CDH1: variants seen among roughly 807,000 people sequenced by gnomAD.
CDH1 encodes cadherin 1.
In CDH1, 35 loss-of-function variants were observed where a neutral mutation model predicts 84.5. The observed-to-expected ratio is 0.41, with a 90% CI of 0.32 to 0.55. The LOEUF is 0.55. Ranked by LOEUF, CDH1 falls within the 20% of genes least tolerant of loss-of-function variation. The pLI, the probability that CDH1 is intolerant of heterozygous loss-of-function variation, is 0.19. For synonymous variants in CDH1, 417 were observed against 439.0 expected (o/e 0.95, Z 0.63); for missense variants, 994 against 1,126.6 (o/e 0.88, Z 1.68).
At chr16:68,745,549 A>ATATATATATGT (rs1285099283) in intron 2 of CDH1, among the ~76,000 whole-genome samples, 3 of 75,178 alleles carry the variant, frequency 4.0e-5, no homozygotes, top group Non-Finnish European at 7.3e-5. Context: ...AAAAAAAAAA[A>ATATATATATGT]ATATATATAT....
rs1448937622 is a variant in CDH1 at position 68,737,563 on chromosome 16, T to C, written c.48+100T>C. The C allele has an allele frequency of 6.5e-6, 7 of 1,074,752 alleles. No individual in the cohort carries two copies. The African/African-American group carries it at 1.2e-4, about 18-fold the overall frequency. 66.6% of individuals were successfully genotyped at this position (1,074,752 alleles called of 1,614,324 possible). ...TCTCCCGTCGTCACCGCTTCCCTTC[T>C]TCCAAGAAAGTTCGGGTCCTGAGGA... On this transcript the variant is annotated intron_variant, in intron 1 of 15. Transcript: ENST00000261769.
chr16:68,805,342 A>G (rs1214428910), intron 3 of CDH1, among the ~76,000 whole-genome samples: 1 of 151,942 alleles, frequency 6.6e-6, no homozygotes, highest in Non-Finnish European at 1.5e-5. Flanking sequence ...TTTCTGAGGG[A>G]TCACTTCCAC....
At chr16:68,764,708 C>T (rs1959318546) in intron 2 of CDH1, among the ~76,000 whole-genome samples, 1 of 152,178 alleles carries the variant, frequency 6.6e-6, no homozygotes, top group African/African-American at 2.4e-5. Context: ...AGGTGTGTAA[C>T]AAGCACCAGC....
intron 2 of CDH1, among the ~76,000 whole-genome samples, chr16:68,785,349 G>A (rs1960015818): frequency 6.6e-6 from 1 of 152,006 alleles, no homozygotes; most frequent in African/African-American, 2.4e-5. Context: ...GCACTACCAT[G>A]CCCAGCTAAG....
intron 13 of CDH1, among the ~76,000 whole-genome samples, chr16:68,826,919 G>A (rs1236771849): frequency 6.6e-6 from 1 of 152,160 alleles, no homozygotes; most frequent in East Asian, 1.9e-4. Flanking sequence ...TTTAGAAATA[G>A]GTAGTTGAGG....
At chr16:68,789,079 A>G (rs1270721040) in intron 2 of CDH1, among the ~76,000 whole-genome samples, 1 of 152,018 alleles carries the variant, frequency 6.6e-6, no homozygotes, top group Non-Finnish European at 1.5e-5. Context: ...GCTGGAGTGC[A>G]GTGGCCCGAA....
chr16:68,833,111 G>T (rs781771794), intron 15 of CDH1, among the ~76,000 whole-genome samples, 179 bp from the exon 16 acceptor site: 4 of 152,142 alleles, frequency 2.6e-5, no homozygotes, highest in Admixed American at 2.0e-4. Flanking sequence ...AACATATCCT[G>T]TGCTTCTGCA....
chr16:68,810,858 T>C (rs1423248941), intron 6 of CDH1, among the ~76,000 whole-genome samples: 1 of 150,868 alleles, frequency 6.6e-6, no homozygotes, highest in Non-Finnish European at 1.5e-5. Flanking sequence ...AGATCCAGAC[T>C]CCGTCTCAAA....
intron 2 of CDH1, among the ~76,000 whole-genome samples, chr16:68,792,218 G>A (rs114595962): frequency 0.021 from 2,971 of 141,658 alleles, 110 homozygotes; most frequent in African/African-American, 0.075. Context: ...ACCACACCCG[G>A]CCTAAACACT....
intron 2 of CDH1, among the ~76,000 whole-genome samples, chr16:68,782,172 C>T (rs1959902898): frequency 6.6e-6 from 1 of 152,196 alleles, no homozygotes; most frequent in South Asian, 2.1e-4. Context: ...GACCACCACA[C>T]CCAAAGGCAG....
chr16:68,760,334 C>T (rs1321896515), intron 2 of CDH1, among the ~76,000 whole-genome samples: 1 of 143,572 alleles, frequency 7.0e-6, no homozygotes, highest in Non-Finnish European at 1.5e-5. Flanking sequence ...AGGATGGTCT[C>T]AATCTCCTGA....
At chr16:68,781,306 C>G (rs1224623275) in intron 2 of CDH1, among the ~76,000 whole-genome samples, 5 of 152,210 alleles carry the variant, frequency 3.3e-5, no homozygotes, top group African/African-American at 1.2e-4. Context: ...CACACACCCG[C>G]AGCACTCATT....
intron 2 of CDH1, among the ~76,000 whole-genome samples, chr16:68,796,123 A>G (rs1215924379): frequency 2.0e-5 from 3 of 152,020 alleles, no homozygotes; most frequent in Admixed American, 1.3e-4. Flanking sequence ...AGATCCTGCC[A>G]TGGCACTCCA....
At chr16:68,794,430 C>T in intron 2 of CDH1, among the ~76,000 whole-genome samples, 1 of 152,146 alleles carries the variant, frequency 6.6e-6, no homozygotes, top group East Asian at 1.9e-4. Flanking sequence ...ACTTGAATGT[C>T]CTTTTCAACA....
In CDH1 at chr16:68,801,693, C is replaced by T. The variant is rs587783047; in HGVS notation, c.187C>T (p.Arg63Ter). The change falls in exon 3 of 16, where the codon CGA (arginine) becomes TGA (stop). Residue 63 changes from arginine to a stop codon, truncating the protein, a stop_gained. Coordinates refer to ENST00000261769, the MANE Select transcript of CDH1 (RefSeq NM_004360.5). LOFTEE classifies it high-confidence loss of function. The part of the protein sequence containing the change: ...GRVNFEDCTG[R>*]QRTAYFSLDT... ...AGTGAATTTTGAAGATTGCACCGGT[C>T]GACAAAGGACAGCCTATTTTTCCCT... 1 of 1,613,968 alleles carries T rather than the reference C, an allele frequency of 6.2e-7. No individual in the cohort carries two copies. The highest frequency in any genetic ancestry group is 8.5e-7 in the Non-Finnish European group (1 of 1,179,916).
chr16:68,802,580 C>A (rs565046258), intron 3 of CDH1, among the ~76,000 whole-genome samples: 84 of 152,156 alleles, frequency 5.5e-4, no homozygotes, highest in Admixed American at 1.2e-3. Flanking sequence ...AAGTGATCCT[C>A]CTGCCTCCAC....
At chr16:68,755,205 G>C (rs143461265) in intron 2 of CDH1, among the ~76,000 whole-genome samples, 1 of 149,780 alleles carries the variant, frequency 6.7e-6, no homozygotes. Context: ...GAGCCTGGGA[G>C]GTTGAAGCTG....
chr16:68,833,646 C>G lies in CDH1; in HGVS notation c.*147C>G. ...GTGATGCAGTTAGTATAGCTTTATA[C>G]TCTCTCCACTTTATAGCTCTAATAA... is the stretch of plus-strand genomic sequence containing the variant. On this transcript the variant is annotated 3_prime_UTR_variant, in exon 16 of 16. Transcript: ENST00000261769. 1.5e-6 allele frequency: 1 copy of G among 680,190 alleles called. No individual in the cohort carries two copies. The highest frequency in any genetic ancestry group is 2.6e-6 in the Non-Finnish European group (1 of 379,908). The allele number at this position is 680,190 out of a possible 1,614,324, so 42.1% of individuals were successfully genotyped here.
At chr16:68,802,342 G>T (rs1960539220) in intron 3 of CDH1, among the ~76,000 whole-genome samples, 1 of 152,182 alleles carries the variant, frequency 6.6e-6, no homozygotes, top group South Asian at 2.1e-4. Context: ...GTAAAATGGA[G>T]ATAACAGTGA....
Sources: gnomAD v4.1 joint callset for allele counts (sites outside exome capture counted in the v4.1 genomes callset) on GRCh38, gnomAD v4.1.1 for gene constraint, MANE v1.5 for transcripts, NCBI Gene and HGNC (gene_info 2026-07-23, HGNC 2026-07-21) for gene names.